The following PROKR2 variants were observed in gnomAD, a reference collection of about 807,000 sequenced individuals.
PROKR2 encodes G protein-coupled receptor 73-like 1.
A neutral mutation model predicts 23.4 loss-of-function variants in PROKR2; 26 were observed. The ratio of observed to expected loss-of-function variants is 1.11; its 90% CI spans 0.81 to 1.54. The LOEUF (loss-of-function observed/expected upper bound fraction) is 1.54, where lower values mean the gene tolerates loss of function less well. Ranked by LOEUF, PROKR2 falls within the 40% of genes most tolerant of loss-of-function variation. PROKR2 has a pLI of 0.00. For missense variants in PROKR2, 453 were observed against 511.5 expected (o/e 0.89, Z 1.10); for synonymous variants, 212 against 201.2 (o/e 1.05, Z -0.45).
rs117741301 is a variant in PROKR2, at chr20:5,300,353, A to G, written c.*1687T>C. Among the ~76,000 whole-genome samples the G allele has an allele frequency of 6.6e-6, 1 of 152,324 alleles. No individual in the cohort carries two copies. Among genetic ancestry groups the G allele is most frequent in the East Asian group, 1.9e-4 (1 of 5,188 alleles). On this transcript the variant is annotated 3_prime_UTR_variant, in exon 3 of 3. Coordinates refer to ENST00000678254, the MANE Select transcript of PROKR2 (RefSeq NM_144773.4). ...AATTTCCCAGATTATAACCAAGAACAGGGATCCCTTTTTGGCCCACTGTAG... is the reference window on the plus strand; with the variant it reads ...AATTTCCCAGATTATAACCAAGAACGGGGATCCCTTTTTGGCCCACTGTAG...
intron 2 of PROKR2, among the ~76,000 whole-genome samples, chr20:5,310,807 T>A (rs556259099): frequency 2.0e-5 from 3 of 152,286 alleles, no homozygotes; most frequent in Admixed American, 1.3e-4. Context: ...AGTCTCAGAG[T>A]CTGATTTGGG....
chr20:5,307,129 A>G (rs1979248198), intron 2 of PROKR2, among the ~76,000 whole-genome samples: 1 of 152,166 alleles, frequency 6.6e-6, no homozygotes, highest in South Asian at 2.1e-4. Flanking sequence ...GTCGAGACTG[A>G]TGCTGAGGAG....
intron 2 of PROKR2, among the ~76,000 whole-genome samples, chr20:5,307,370 C>T (rs1018951215): frequency 6.6e-6 from 1 of 152,166 alleles, no homozygotes; most frequent in Admixed American, 6.5e-5. Flanking sequence ...TCAATCTTGG[C>T]TGGCAATAAT....
intron 2 of PROKR2, 38 bp downstream of exon 2, chr20:5,313,874 G>A (rs376057604): frequency 1.9e-6 from 3 of 1,550,390 alleles, no homozygotes; most frequent in African/African-American, 2.7e-5. Context: ...GAGACAGCCT[G>A]GCCCAGCCCC....
Position 5,313,983 on chromosome 20 carries a change from G to C in PROKR2, c.387C>G (p.Ala129=). The C allele has an allele frequency of 6.2e-7, 1 of 1,614,216 alleles. No homozygotes were observed. The highest frequency in any genetic ancestry group is 8.5e-7 in the Non-Finnish European group (1 of 1,180,040). The part of the protein sequence containing the change: ...LSWEHGHVLC[A]SVNYLRTVSL... ...AGACGGTGCGCAGGTAGTTGACGGAGGCACAGAGCACGTGGCCATGCTCCC... is the reference window on the plus strand; with the variant it reads ...AGACGGTGCGCAGGTAGTTGACGGACGCACAGAGCACGTGGCCATGCTCCC... The change falls in exon 2 of 3, where the codon GCC becomes GCG. Residue 129 remains alanine, a synonymous_variant. Coordinates refer to ENST00000678254, the MANE Select transcript of PROKR2 (RefSeq NM_144773.4).
At chr20:5,304,227 T>C (rs1201359495) in intron 2 of PROKR2, among the ~76,000 whole-genome samples, 1 of 152,188 alleles carries the variant, frequency 6.6e-6, no homozygotes, top group Non-Finnish European at 1.5e-5. Context: ...GAGGGTGATT[T>C]AGAGGCTTGG....
intron 2 of PROKR2, among the ~76,000 whole-genome samples, chr20:5,309,578 T>C (rs1440674816): frequency 6.6e-6 from 1 of 152,252 alleles, no homozygotes; most frequent in Non-Finnish European, 1.5e-5. Context: ...ATTTCTATAT[T>C]TTAAGATCAG....
At chr20:5,306,658 G>C (rs184059493) in intron 2 of PROKR2, among the ~76,000 whole-genome samples, 1 of 152,300 alleles carries the variant, frequency 6.6e-6, no homozygotes, top group East Asian at 1.9e-4. Flanking sequence ...CTTTTGATAT[G>C]CCTATTAATG....
At chr20:5,307,824 T>G (rs1184934772) in intron 2 of PROKR2, among the ~76,000 whole-genome samples, 1 of 152,216 alleles carries the variant, frequency 6.6e-6, no homozygotes, top group Non-Finnish European at 1.5e-5. Flanking sequence ...AAACTATTAA[T>G]AGCTCTTAAT....
At position 5,302,235 on chromosome 20, in the gene PROKR2, G is replaced by A; in HGVS notation, c.960C>T (p.Cys320=). The change falls in exon 3 of 3, where the codon TGC becomes TGT. Residue 320 remains cysteine, a synonymous_variant. Coordinates refer to ENST00000678254, the MANE Select transcript of PROKR2 (RefSeq NM_144773.4). ...TGATCATGCTGTTGCTCATGGCGAT[G>A]CACTCGACCACGTAGAAGGCAGTGA... is the stretch of plus-strand genomic sequence containing the variant. ...HYLTAFYVVE[C]IAMSNSMINT... 1 of 1,614,240 alleles carries A rather than the reference G, an allele frequency of 6.2e-7. No homozygotes were observed. The highest frequency in any genetic ancestry group is 2.2e-5 in the East Asian group (1 of 44,886).
At chr20:5,304,575 C>A (rs918371531) in intron 2 of PROKR2, among the ~76,000 whole-genome samples, 1 of 152,098 alleles carries the variant, frequency 6.6e-6, no homozygotes, top group Non-Finnish European at 1.5e-5. Flanking sequence ...TGGGGGTTGG[C>A]GACTGGGCTG....
intron 2 of PROKR2, among the ~76,000 whole-genome samples, chr20:5,308,973 GA>G (rs74379372): frequency 0.51 from 77,489 of 151,878 alleles, 20,064 homozygotes; most frequent in African/African-American, 0.61. Context: ...GAAGATCTAG[GA>G]TGAAGCTGGA....
chr20:5,308,154 G>A (rs1426129873), intron 2 of PROKR2, among the ~76,000 whole-genome samples: 4 of 151,302 alleles, frequency 2.6e-5, no homozygotes, highest in East Asian at 1.9e-4. Context: ...TGCTTTTATC[G>A]ATTTGCAAAT....
Position 5,313,896 on chromosome 20 carries a change from C to G in PROKR2, c.458+16G>C, listed in dbSNP as rs750643566. On this transcript the variant is annotated intron_variant, in intron 2 of 2. Transcript: ENST00000678254. ...CCTGGCCCAGCCCCACCACTCACCC[C>G]ACCCACCATCCTCACCTGTCAATGG... 22 of 1,610,160 alleles carry G rather than the reference C, an allele frequency of 1.4e-5. No homozygotes were observed. In the South Asian group the frequency reaches 1.8e-4, roughly 13 times the overall value.
intron 2 of PROKR2, 78 bp downstream of exon 2, chr20:5,313,834 T>C (rs1979534779): frequency 8.3e-7 from 1 of 1,209,236 alleles, no homozygotes; most frequent in African/African-American, 1.5e-5. Flanking sequence ...TCTGGAGCAA[T>C]GTCAGCCTGT....
intron 1 of PROKR2, 22 bp from the exon 2 acceptor site, chr20:5,314,399 G>T: frequency 3.8e-6 from 6 of 1,591,212 alleles, no homozygotes; most frequent in Non-Finnish European, 5.2e-6. Context: ...GTGGTGTGAG[G>T]GAGGTGCGAG....
intron 2 of PROKR2, among the ~76,000 whole-genome samples, chr20:5,309,138 C>A (rs996011034): frequency 6.6e-6 from 1 of 152,228 alleles, no homozygotes; most frequent in South Asian, 2.1e-4. Flanking sequence ...GAGAGTGGAA[C>A]AAATGGGCAG....
chr20:5,316,582 G>T lies in PROKR2; in HGVS notation c.-97C>A. 3.0e-6 allele frequency: 1 copy of T among 337,810 alleles called. No homozygotes were observed. The allele number at this position is 337,810 out of a possible 1,614,324, so 20.9% of individuals were successfully genotyped here. Reference sequence around the variant, plus strand: ...TGGTTGGGCGCAGGCGGGCCGCTCGGTTTTCACCTCGAGGACCCGGACTTG... The same window carrying T: ...TGGTTGGGCGCAGGCGGGCCGCTCGTTTTTCACCTCGAGGACCCGGACTTG... On this transcript the variant is annotated 5_prime_UTR_variant, in exon 1 of 3. Transcript: ENST00000678254. This position sits in a 1 kb window ranked among gnomAD's most constrained non-coding sequence, Gnocchi z 5.0.
At chr20:5,314,425 C>A (rs1413356059) in intron 1 of PROKR2, 48 bp from the exon 2 acceptor site, 11 of 1,459,064 alleles carry the variant, frequency 7.5e-6, no homozygotes, top group Non-Finnish European at 1.1e-5. Flanking sequence ...AGGGTCCAGA[C>A]CTTCTGCTCT....
Sources: gnomAD v4.1 joint callset for allele counts (sites outside exome capture counted in the v4.1 genomes callset) on GRCh38, gnomAD v4.1.1 for gene constraint, Gnocchi (gnomAD v3.1) non-coding constraint, MANE v1.5 for transcripts, NCBI Gene and HGNC (gene_info 2026-07-23, HGNC 2026-07-21) for gene names.